Variants in PSD4 observed in about 807,000 individuals in gnomAD.
PSD4 encodes the protein pleckstrin and Sec7 domain containing 4, also known as PH and SEC7 domain-containing protein 4.
In PSD4, 59 loss-of-function variants were observed where a neutral mutation model predicts 112.5. The observed-to-expected ratio is 0.52, with a 90% CI of 0.43 to 0.65. The LOEUF (loss-of-function observed/expected upper bound fraction) is 0.65, where lower values mean the gene tolerates loss of function less well. Ranked by LOEUF, PSD4 falls within the 30% of genes least tolerant of loss-of-function variation. The pLI, the probability that PSD4 is intolerant of heterozygous loss-of-function variation, is 0.00. For missense variants in PSD4, 1,267 were observed against 1,352.6 expected (o/e 0.94, Z 0.99); for synonymous variants, 533 against 540.0 (o/e 0.99, Z 0.18).
intron 12 of PSD4, chr2:113,196,707 G>A (rs45472893): frequency 0.049 from 8,511 of 172,072 alleles, 330 homozygotes; most frequent in Non-Finnish European, 0.073. Context: ...CTTCTGGTAA[G>A]TGATGGTATC....
At chr2:113,187,149 C>G (rs576909244) in intron 5 of PSD4, among the ~76,000 whole-genome samples, 1 of 152,202 alleles carries the variant, frequency 6.6e-6, no homozygotes, top group African/African-American at 2.4e-5. Flanking sequence ...AGGAGAACCC[C>G]GAGAGGAAGG....
intron 6 of PSD4, 27 bp downstream of exon 6, chr2:113,192,616 C>G: frequency 6.2e-7 from 1 of 1,609,342 alleles, no homozygotes; most frequent in African/African-American, 1.3e-5. Flanking sequence ...CTGGGGAAGG[C>G]TGGAGGCTGA....
intron 1 of PSD4, among the ~76,000 whole-genome samples, chr2:113,174,317 C>T (rs187686810): frequency 1.8e-3 from 273 of 152,266 alleles, no homozygotes; most frequent in African/African-American, 6.3e-3. Context: ...CTGCCCTGGC[C>T]CCACGGACCT....
rs1688470094 is a variant in PSD4 at position 113,192,460 on chromosome 2, A to G, written c.1709A>G (p.Gln570Arg). 6.2e-7 allele frequency: 1 copy of G among 1,614,260 alleles called. No individual in the cohort carries two copies. The highest frequency in any genetic ancestry group is 8.5e-7 in the Non-Finnish European group (1 of 1,180,042). Residue 570 changes from glutamine (Q) to arginine (R), a missense_variant, in exon 6 of 17, where the codon CAG (glutamine) becomes CGG (arginine). Physicochemically the swap from Gln to Arg is conservative, Grantham distance 43. This residue lies in a region of PSD4 where 544 missense variants were observed against 648.6 expected (regional missense o/e 0.84). Transcript: ENST00000245796. ...MPQAQSPEEG[Q>R]RPPAGDKLAN... ...CAAGCACAGTCCCCAGAGGAAGGCC[A>G]GAGACCACCAGCTGGAGACAAGCTA... is the stretch of plus-strand genomic sequence containing the variant.
chr2:113,194,933 C>T (rs1006942944), intron 10 of PSD4, among the ~76,000 whole-genome samples: 5 of 152,088 alleles, frequency 3.3e-5, no homozygotes, highest in African/African-American at 9.7e-5. Context: ...TGCTAGGCAC[C>T]GCAAGAGCTA....
At position 113,183,293 on chromosome 2, in the gene PSD4, T is replaced by G; in HGVS notation, c.837T>G (p.Thr279=). The change falls in exon 2 of 17, where the codon ACT becomes ACG. Residue 279 remains threonine, a synonymous_variant. Transcript: ENST00000245796. ...CAGACTCCCATGCAGGTGTGAGGAC[T>G]GGACCTGAGAGCCCAGCGACTCTGG... ...GASDSHAGVR[T]GPESPATLEP... 6.2e-7 allele frequency: 1 copy of G among 1,613,438 alleles called. No individual in the cohort carries two copies. The highest frequency in any genetic ancestry group is 1.7e-5 in the Admixed American group (1 of 59,954).
rs1203721548 is a variant in PSD4 at position 113,207,921 on chromosome 2, A to G, written c.*6506A>G. ...TGGTTCTTTTTCTACTTTCTTGCAT[A>G]TTCTTTTTCAGGCAGGAGTGCAGTG... On this transcript the variant is annotated 3_prime_UTR_variant, in exon 17 of 17. Transcript: ENST00000245796. 6.6e-6 allele frequency: 1 copy of G among 150,788 alleles called. No homozygotes were observed. Among genetic ancestry groups the G allele is most frequent in the Non-Finnish European group, 1.5e-5 (1 of 67,692 alleles). 9.3% of individuals were successfully genotyped at this position (150,788 alleles called of 1,614,324 possible).
intron 5 of PSD4, among the ~76,000 whole-genome samples, chr2:113,187,083 C>T (rs1044879678): frequency 6.6e-6 from 1 of 152,198 alleles, no homozygotes; most frequent in Non-Finnish European, 1.5e-5. Flanking sequence ...GACCCAGGCC[C>T]TTACTCAGGG....
chr2:113,179,723 T>A (rs1461922895), intron 1 of PSD4, among the ~76,000 whole-genome samples: 1 of 152,116 alleles, frequency 6.6e-6, no homozygotes, highest in Non-Finnish European at 1.5e-5. Flanking sequence ...GGTTCAAACA[T>A]CTCTGATGAG....
Position 113,187,215 on chromosome 2 carries a change from C to G in PSD4, c.1628+960C>G, listed in dbSNP as rs201230539. ...CTGCGCTTCCTCAGGTAAAGCACAG[C>G]CATGTTCCGAGTTTATCTCACCTCA... On this transcript the variant is annotated intron_variant, in intron 5 of 16. Coordinates refer to ENST00000245796, the MANE Select transcript of PSD4 (RefSeq NM_012455.3). Among the ~76,000 whole-genome samples the G allele has an allele frequency of 1.6e-4, 25 of 152,338 alleles. No homozygotes were observed. In the East Asian group the frequency reaches 1.9e-3, roughly 12 times the overall value.
intron 10 of PSD4, among the ~76,000 whole-genome samples, chr2:113,195,288 G>A (rs1304756424): frequency 6.6e-6 from 1 of 152,020 alleles, no homozygotes; most frequent in Non-Finnish European, 1.5e-5. Context: ...AGCCTCCTGA[G>A]TAGCTGGGAT....
chr2:113,185,561 A>G, intron 4 of PSD4, 121 bp downstream of exon 4: 1 of 1,580,888 alleles, frequency 6.3e-7, no homozygotes, highest in South Asian at 1.1e-5. Context: ...TATTGTGTTT[A>G]AGCCAGACAG....
intron 10 of PSD4, 26 bp downstream of exon 10, chr2:113,193,974 AG>A: frequency 6.2e-7 from 1 of 1,603,032 alleles, no homozygotes; most frequent in Non-Finnish European, 8.5e-7. Flanking sequence ...TCTTCTTATG[AG>A]CCTCATGTAG....
chr2:113,174,689 C>T (rs1356464845), intron 1 of PSD4, among the ~76,000 whole-genome samples: 1 of 152,138 alleles, frequency 6.6e-6, no homozygotes, highest in African/African-American at 2.4e-5. Flanking sequence ...TTAGCTCTGG[C>T]TTAGGCCTGT....
chr2:113,174,207 G>A (rs1014673141), intron 1 of PSD4, 153 bp downstream of exon 1: 1 of 152,728 alleles, frequency 6.5e-6, no homozygotes, highest in Non-Finnish European at 1.5e-5. Flanking sequence ...CCTGCCATGA[G>A]CCTGGGCTAG....
chr2:113,194,954 C>T (rs962859803), intron 10 of PSD4, among the ~76,000 whole-genome samples: 1 of 152,144 alleles, frequency 6.6e-6, no homozygotes, highest in African/African-American at 2.4e-5. Context: ...TAGAAGCAAG[C>T]GAGATAACAT....
At chr2:113,177,287 T>C (rs1212208808) in intron 1 of PSD4, among the ~76,000 whole-genome samples, 3 of 152,260 alleles carry the variant, frequency 2.0e-5, no homozygotes, top group Non-Finnish European at 4.4e-5. Context: ...AGCCTCGGTC[T>C]TCCCCGTCTT....
rs1176038294 is a variant in PSD4 at position 113,197,397 on chromosome 2, G to A, written c.2387-167G>A. The A allele has an allele frequency of 2.1e-5, 15 of 730,334 alleles. No individual in the cohort carries two copies. The East Asian group carries it at 3.2e-4, about 16-fold the overall frequency. The allele number at this position is 730,334 out of a possible 1,614,324, so 45.2% of individuals were successfully genotyped here. A position where few individuals can be genotyped will look rare whatever the true frequency, so the allele number is the denominator to read the frequency against. On this transcript the variant is annotated intron_variant, in intron 12 of 16. Coordinates refer to ENST00000245796, the MANE Select transcript of PSD4 (RefSeq NM_012455.3). ...GGAGAGACTCTATATGTTTGTTTAC[G>A]ATTGTATGTGTTTTCTTGTGTTGGC...
Position 113,182,415 on chromosome 2 carries a change from G to T in PSD4, c.-42G>T. 2 of 1,520,748 alleles carry T rather than the reference G, an allele frequency of 1.3e-6. No homozygotes were observed. Among genetic ancestry groups the T allele is most frequent in the Admixed American group, 1.9e-5 (1 of 52,522 alleles). The allele number at this position is 1,520,748 out of a possible 1,614,324, so 94.2% of individuals were successfully genotyped here. Reference sequence around the variant, plus strand: ...TAGTCCACACAGTGAGACCGTGAAAGCAGATGCTCCGGGGCACTCCTGGGC... The same window carrying T: ...TAGTCCACACAGTGAGACCGTGAAATCAGATGCTCCGGGGCACTCCTGGGC... On this transcript the variant is annotated 5_prime_UTR_variant, in exon 2 of 17. Coordinates refer to ENST00000245796, the MANE Select transcript of PSD4 (RefSeq NM_012455.3).
Sources: gnomAD v4.1 joint callset for allele counts (sites outside exome capture counted in the v4.1 genomes callset) on GRCh38, gnomAD v4.1.1 for gene constraint, gnomAD v4.1.1 regional missense constraint, MANE v1.5 for transcripts, NCBI Gene and HGNC (gene_info 2026-07-23, HGNC 2026-07-21) for gene names.